TF: variants seen among roughly 807,000 people sequenced by gnomAD.
TF encodes the protein transferrin.
A neutral mutation model predicts 82.4 loss-of-function variants in TF; 55 were observed. The observed-to-expected ratio is 0.67, with a 90% CI of 0.54 to 0.84. The LOEUF (loss-of-function observed/expected upper bound fraction) is 0.84, where lower values mean the gene tolerates loss of function less well. Ranked by LOEUF, TF falls within the 40% of genes least tolerant of loss-of-function variation. TF has a pLI of 0.00. For missense variants in TF, 737 were observed against 868.4 expected (o/e 0.85, Z 1.90); for synonymous variants, 332 against 332.6 (o/e 1.00, Z 0.02).
the TF span, among the ~76,000 whole-genome samples, chr3:133,668,009 ATTC>A: frequency 1.9e-4 from 29 of 152,344 alleles, no homozygotes; most frequent in Non-Finnish European, 3.7e-4. Context: ...TCTTTCACTT[ATTC>A]TTCTCTGTTG....
chr3:133,789,176 A>C lies in TF; in HGVS notation c.*10556A>C, dbSNP rs1934766083. 6.6e-6 allele frequency: 1 copy of C among 152,278 alleles called. No individual in the cohort carries two copies. 9.4% of individuals were successfully genotyped at this position (152,278 alleles called of 1,614,324 possible). A position where few individuals can be genotyped will look rare whatever the true frequency, so the allele number is the denominator to read the frequency against. The stretch of plus-strand genomic sequence containing the variant: ...GCCCTTGGCAGCAGTTCTAAGGACT[A>C]GTACTAAGCCCTCCTTAGAATTTTC... On this transcript the variant is annotated 3_prime_UTR_variant, in exon 17 of 17. Coordinates refer to ENST00000402696, the MANE Select transcript of TF (RefSeq NM_001063.4).
chr3:133,763,703 G>A (rs1444359326), intron 9 of TF, among the ~76,000 whole-genome samples: 1 of 152,218 alleles, frequency 6.6e-6, no homozygotes, highest in Non-Finnish European at 1.5e-5. Context: ...GAAAATATTT[G>A]ACTCATTCAT....
chr3:133,713,263 T>G, the TF span, among the ~76,000 whole-genome samples: 1 of 152,212 alleles, frequency 6.6e-6, no homozygotes, highest in Admixed American at 6.5e-5. Context: ...TAGGTATTGT[T>G]CTAACTAGAG....
At chr3:133,702,345 C>T in the TF span, among the ~76,000 whole-genome samples, 1 of 151,932 alleles carries the variant, frequency 6.6e-6, no homozygotes, top group Non-Finnish European at 1.5e-5. Flanking sequence ...CCTAGGAGTC[C>T]CAGGAAGTAG....
chr3:133,766,378 T>C lies in TF; in HGVS notation c.1431T>C (p.Ala477=), dbSNP rs768526440. The change falls in exon 12 of 17, where the codon GCT becomes GCC. Residue 477 remains alanine, a synonymous_variant. Transcript: ENST00000402696. The part of the protein sequence containing the change: ...KSCHTAVGRT[A]GWNIPMGLLY... ...GCCATACGGCAGTTGGCAGAACCGC[T>C]GGCTGGAACATCCCCATGGGCCTGC... 5.6e-6 allele frequency: 9 copies of C among 1,614,132 alleles called. No homozygotes were observed. The Admixed American group carries it at 1.5e-4, about 27-fold the overall frequency.
the TF span, among the ~76,000 whole-genome samples, chr3:133,722,314 G>T: frequency 5.9e-5 from 9 of 151,724 alleles, no homozygotes; most frequent in Admixed American, 5.9e-4. Context: ...GTCTTTAATG[G>T]TGAGGTGAGT....
the TF span, among the ~76,000 whole-genome samples, chr3:133,714,244 C>T: frequency 1.3e-5 from 2 of 152,162 alleles, no homozygotes; most frequent in Non-Finnish European, 2.9e-5. Context: ...CCCTGTTGGC[C>T]TGGCTAAAGA....
In TF at chr3:133,777,188, G is replaced by T. The variant is rs121918677; in HGVS notation, c.2012G>T (p.Gly671Val). ...HDRNTYEKYL[G>V]EEYVKAVGNL... The stretch of plus-strand genomic sequence containing the variant: ...AGAAACACATATGAAAAATACTTAG[G>T]AGAAGAATATGTCAAGGCTGTTGGT... Residue 671 changes from glycine (G) to valine (V), a missense_variant, in exon 16 of 17, where the codon GGA (glycine) becomes GTA (valine). Gly to Val is a moderately radical substitution (Grantham distance 109, BLOSUM62 -3). Transcript: ENST00000402696. 1.2e-6 allele frequency: 2 copies of T among 1,614,016 alleles called. No homozygotes were observed. The highest frequency in any genetic ancestry group is 4.5e-5 in the East Asian group (2 of 44,890).
chr3:133,765,239 C>A (rs955500563), intron 11 of TF, among the ~76,000 whole-genome samples: 1 of 152,198 alleles, frequency 6.6e-6, no homozygotes, highest in Non-Finnish European at 1.5e-5. Flanking sequence ...CTGATCCTCA[C>A]CTGACATGAC....
At chr3:133,726,221 C>G in the TF span, among the ~76,000 whole-genome samples, 8 of 152,274 alleles carry the variant, frequency 5.3e-5, no homozygotes, top group South Asian at 2.1e-4. Flanking sequence ...GGAATAGTCT[C>G]AGAAGGAATG....
chr3:133,700,207 T>G, the TF span: 1 of 150,924 alleles, frequency 6.6e-6, no homozygotes, highest in Non-Finnish European at 1.5e-5. Flanking sequence ...CCCTGGGGAG[T>G]AACTGTGTGC....
chr3:133,699,462 G>T, the TF span: 1 of 1,236,316 alleles, frequency 8.1e-7, no homozygotes, highest in South Asian at 1.2e-5. Flanking sequence ...GGCAAACAAG[G>T]CTGACAAGGA....
At chr3:133,674,344 C>T in the TF span, among the ~76,000 whole-genome samples, 1 of 152,202 alleles carries the variant, frequency 6.6e-6, no homozygotes, top group African/African-American at 2.4e-5. Context: ...CTCCGGGGTG[C>T]TGCCCCCTTC....
chr3:133,682,060 A>T, the TF span, among the ~76,000 whole-genome samples: 268 of 152,314 alleles, frequency 1.8e-3, 1 homozygote, highest in Non-Finnish European at 3.2e-3. Flanking sequence ...GCTGTTCTGC[A>T]GGCTCCATTG....
rs778673419 is a variant in TF at position 133,777,228 on chromosome 3, C to T, written c.2052C>T (p.Cys684=). 2 of 1,612,554 alleles carry T rather than the reference C, an allele frequency of 1.2e-6. No homozygotes were observed. The highest frequency in any genetic ancestry group is 2.2e-5 in the East Asian group (1 of 44,886). Residue 684 remains cysteine (C), a synonymous_variant, in exon 16 of 17, where the codon TGC becomes TGT. Coordinates refer to ENST00000402696, the MANE Select transcript of TF (RefSeq NM_001063.4). ...AGGCTGTTGGTAACCTGAGAAAATG[C>T]TCCACCTCATGTGAGTAGGAGGAAC... is the stretch of plus-strand genomic sequence containing the variant. ...YVKAVGNLRK[C]STSSLLEACT...
At chr3:133,712,189 C>A in the TF span, among the ~76,000 whole-genome samples, 1 of 152,190 alleles carries the variant, frequency 6.6e-6, no homozygotes, top group African/African-American at 2.4e-5. Context: ...TTCAAGAGGG[C>A]AGAGCCTGTG....
rs1934680261 is a variant in TF, at chr3:133,786,231, A to AAAAC, written c.*7614_*7615insCAAA. Reference sequence around the variant, plus strand: ...CAATAAAAAAATAAATTAAAAAAAAAAAAAAAAAACAATACTATTTTTTGA... The same window carrying AAAAC: ...CAATAAAAAAATAAATTAAAAAAAAAAAACAAAAAAAAACAATACTATTTTTTGA... On this transcript the variant is annotated 3_prime_UTR_variant, in exon 17 of 17. Transcript: ENST00000402696. 2.6e-5 allele frequency: 4 copies of AAAAC among 150,970 alleles called. 1 individual carries two copies. The highest frequency in any genetic ancestry group is 7.3e-5 in the African/African-American group (3 of 40,922). 9.4% of individuals were successfully genotyped at this position (150,970 alleles called of 1,614,324 possible). A position where few individuals can be genotyped will look rare whatever the true frequency, so the allele number is the denominator to read the frequency against.
chr3:133,715,018 TG>T, the TF span, among the ~76,000 whole-genome samples: 15,102 of 152,234 alleles, frequency 0.099, 1,075 homozygotes, highest in East Asian at 0.26. Flanking sequence ...CATTCACTCC[TG>T]GCTGACCTGT....
chr3:133,766,342 C>A lies in TF; in HGVS notation c.1395C>A (p.Gly465=), dbSNP rs1934126202. The change falls in exon 12 of 17, where the codon GGC becomes GGA. Residue 465 remains glycine (G), a synonymous_variant. Transcript: ENST00000402696. ...ASDLTWDNLK[G]KKSCHTAVGR... ...ACCTCACCTGGGACAATCTGAAAGG[C>A]AAGAAGTCCTGCCATACGGCAGTTG... The A allele has an allele frequency of 2.5e-6, 4 of 1,614,192 alleles. No individual in the cohort carries two copies. The highest frequency in any genetic ancestry group is 3.4e-6 in the Non-Finnish European group (4 of 1,180,036).
Sources: allele counts gnomAD v4.1 joint callset (sites outside exome capture counted in the v4.1 genomes callset), GRCh38; gene constraint gnomAD v4.1.1; transcripts MANE v1.5; gene names NCBI Gene and HGNC (gene_info 2026-07-23, HGNC 2026-07-21).